The following PSD4 variants were observed in gnomAD, a reference collection of about 807,000 sequenced individuals.
PSD4 encodes PH and SEC7 domain-containing protein 4.
Under a neutral mutation model 112.5 loss-of-function variants are expected in PSD4, and 59 were observed. The observed-to-expected ratio is 0.52, with a 90% CI of 0.43 to 0.65. The LOEUF is 0.65. PSD4 is among the 30% of genes least tolerant of loss of function. PSD4 has a pLI of 0.00. For missense variants in PSD4, 1,267 were observed against 1,352.6 expected (o/e 0.94, Z 0.99); for synonymous variants, 533 against 540.0 (o/e 0.99, Z 0.18).
At position 113,182,534 on chromosome 2, in the gene PSD4, GC is replaced by G; in HGVS notation, c.82del (p.His28ThrfsTer109). 1.2e-6 allele frequency: 2 copies of G among 1,614,186 alleles called. No homozygotes were observed. The highest frequency in any genetic ancestry group is 1.7e-6 in the Non-Finnish European group (2 of 1,180,026). Reference sequence around the variant, plus strand: ...ACCTGTACTTGGGAGACAGCCTGGAGCCCCACCCAGGAGAGTGCCCAAGGGA... The same window carrying G: ...ACCTGTACTTGGGAGACAGCCTGGAGCCCACCCAGGAGAGTGCCCAAGGGA... The part of the protein sequence containing the change: ...LNLYLGDSLE[P>X]HPGECPRETC... On this transcript the variant is annotated frameshift_variant, in exon 2 of 17. Coordinates refer to ENST00000245796, the MANE Select transcript of PSD4 (RefSeq NM_012455.3). LOFTEE classifies it high-confidence loss of function.
Position 113,192,453 on chromosome 2 carries a change from G to A in PSD4, c.1702G>A (p.Glu568Lys), listed in dbSNP as rs1279193375. The change falls in exon 6 of 17, where the codon GAA (glutamate) becomes AAA (lysine). Residue 568 changes from glutamate (E) to lysine (K), a missense_variant. Coordinates refer to ENST00000245796, the MANE Select transcript of PSD4 (RefSeq NM_012455.3). Reference protein sequence around the residue: ...SPMPQAQSPEEGQRPPAGDKL... With the variant: ...SPMPQAQSPEKGQRPPAGDKL... The stretch of plus-strand genomic sequence containing the variant: ...TATGCCCCAAGCACAGTCCCCAGAG[G>A]AAGGCCAGAGACCACCAGCTGGAGA... 1 of 1,614,224 alleles carries A rather than the reference G, an allele frequency of 6.2e-7. No homozygotes were observed. Among genetic ancestry groups the A allele is most frequent in the East Asian group, 2.2e-5 (1 of 44,874 alleles).
At chr2:113,184,226 CCCAGAGCAGCTCTATTA>C (rs1688228076) in intron 2 of PSD4, among the ~76,000 whole-genome samples, 1 of 152,192 alleles carries the variant, frequency 6.6e-6, no homozygotes, top group Non-Finnish European at 1.5e-5. Context: ...AGAGCTATTA[CCCAGAGCAGCTCTATTA>C]CCAGAGCAGC....
At chr2:113,197,247 T>G in intron 12 of PSD4, 1 of 400,040 alleles carries the variant, frequency 2.5e-6, no homozygotes. Context: ...TGTGCCTGGG[T>G]GTTTGCCACT....
Position 113,193,367 on chromosome 2 carries a change from G to A in PSD4, c.2029G>A (p.Val677Ile). The A allele has an allele frequency of 6.2e-7, 1 of 1,606,676 alleles. No homozygotes were observed. The highest frequency in any genetic ancestry group is 2.2e-5 in the East Asian group (1 of 44,842). Residue 677 changes from valine (V) to isoleucine (I), a missense_variant, in exon 8 of 17, where the codon GTA (valine) becomes ATA (isoleucine). Val to Ile is a conservative substitution (Grantham distance 29). Transcript: ENST00000245796. Reference protein sequence around the residue: ...HHCNPGIFPSVDSVHTLTCAI... With the variant: ...HHCNPGIFPSIDSVHTLTCAI... ...TTGCAATCCGGGGATCTTCCCCTCAGTAGGTAGGGAGGGGCTGGCCCTGAC... is the reference window on the plus strand; with the variant it reads ...TTGCAATCCGGGGATCTTCCCCTCAATAGGTAGGGAGGGGCTGGCCCTGAC...
chr2:113,182,487 C>A lies in PSD4; in HGVS notation c.31C>A (p.Pro11Thr). ...GGGTGACTACAGACTCCCTGACCAC[C>A]CCCAGCCCATGGAAATTCTCAACCT... MMGDYRLPDH[P>T]QPMEILNLYL... Residue 11 changes from proline to threonine, a missense_variant, in exon 2 of 17, where the codon CCC becomes ACC. Coordinates refer to ENST00000245796, the MANE Select transcript of PSD4 (RefSeq NM_012455.3). 1 of 1,613,654 alleles carries A rather than the reference C, an allele frequency of 6.2e-7. No individual in the cohort carries two copies. Among genetic ancestry groups the A allele is most frequent in the Non-Finnish European group, 8.5e-7 (1 of 1,179,686 alleles).
rs765133390 is a variant in PSD4 at position 113,197,478 on chromosome 2, G to C, written c.2387-86G>C. On this transcript the variant is annotated intron_variant, in intron 12 of 16. Transcript: ENST00000245796. ...AGACTGGAGGTGGTGTGAGGGACAG[G>C]GGGCATATGCACACTTGCGTGTGTC... is the stretch of plus-strand genomic sequence containing the variant. The C allele has an allele frequency of 7.8e-6, 11 of 1,414,594 alleles. 1 individual carries two copies. The South Asian group carries it at 1.1e-4, about 14-fold the overall frequency. 87.6% of individuals were successfully genotyped at this position (1,414,594 alleles called of 1,614,324 possible).
Position 113,196,145 on chromosome 2 carries a change from A to G in PSD4, c.2226-2A>G, listed in dbSNP as rs1193609633. 1.2e-6 allele frequency: 2 copies of G among 1,606,554 alleles called. No homozygotes were observed. Among genetic ancestry groups the G allele is most frequent in the Non-Finnish European group, 1.7e-6 (2 of 1,173,750 alleles). On this transcript the variant is annotated splice_acceptor_variant, in intron 11 of 16. Transcript: ENST00000245796. LOFTEE classifies it high-confidence loss of function. Reference sequence around the variant, plus strand: ...CTTCCAGCCCGATTCTCTGATGTTCAGGGATGAAGAAGACACAGCCAGACC... The same window carrying G: ...CTTCCAGCCCGATTCTCTGATGTTCGGGGATGAAGAAGACACAGCCAGACC...
intron 7 of PSD4, 58 bp from the exon 8 acceptor site, chr2:113,193,200 G>A: frequency 6.9e-6 from 11 of 1,599,394 alleles, no homozygotes; most frequent in Non-Finnish European, 9.4e-6. Context: ...CCTGAGGCTG[G>A]GATCTGATTG....
intron 16 of PSD4, among the ~76,000 whole-genome samples, chr2:113,200,179 T>G (rs1688735914): frequency 6.6e-6 from 1 of 152,068 alleles, no homozygotes; most frequent in Non-Finnish European, 1.5e-5. Flanking sequence ...TCCCTTAGTC[T>G]CCCCCAACCC....
intron 1 of PSD4, among the ~76,000 whole-genome samples, chr2:113,177,415 G>A (rs1688007593): frequency 6.6e-6 from 1 of 152,098 alleles, no homozygotes; most frequent in African/African-American, 2.4e-5. Flanking sequence ...GTTCTACAAC[G>A]CCGACTCTCA....
Position 113,197,832 on chromosome 2 carries a change from C to G in PSD4, c.2543C>G (p.Thr848Ser), listed in dbSNP as rs776965110. ...EPVGVHHSLA[T>S]PATHYTKKPH... is the part of the protein sequence containing the mutation. ...GTGGGGGTGCACCACTCGCTGGCCACCCCCGCCACGCATTACACCAAGAAG... is the reference window on the plus strand; with the variant it reads ...GTGGGGGTGCACCACTCGCTGGCCAGCCCCGCCACGCATTACACCAAGAAG... The change falls in exon 14 of 17, where the codon ACC becomes AGC. Residue 848 changes from threonine to serine, a missense_variant. Physicochemically the swap from Thr to Ser is moderately conservative, Grantham distance 58. Transcript: ENST00000245796. The G allele has an allele frequency of 2.5e-6, 4 of 1,610,770 alleles. No homozygotes were observed. Among genetic ancestry groups the G allele is most frequent in the Non-Finnish European group, 3.4e-6 (4 of 1,177,934 alleles).
chr2:113,180,232 G>A (rs958117944), intron 1 of PSD4, among the ~76,000 whole-genome samples: 4 of 152,156 alleles, frequency 2.6e-5, no homozygotes, highest in African/African-American at 4.8e-5. Context: ...AAGGCCGCGC[G>A]AATCACCTCC....
At chr2:113,177,134 C>A (rs1251794407) in intron 1 of PSD4, among the ~76,000 whole-genome samples, 4 of 152,222 alleles carry the variant, frequency 2.6e-5, no homozygotes, top group African/African-American at 9.6e-5. Context: ...TGGCTGCTGA[C>A]CTGGTAGGAA....
chr2:113,181,825 T>A (rs1220186341), intron 1 of PSD4, among the ~76,000 whole-genome samples: 1 of 152,128 alleles, frequency 6.6e-6, no homozygotes, highest in African/African-American at 2.4e-5. Context: ...ATAGGAGCCT[T>A]GGAAAGTGGA....
chr2:113,191,667 C>T (rs1688443300), intron 5 of PSD4, among the ~76,000 whole-genome samples: 1 of 152,194 alleles, frequency 6.6e-6, no homozygotes. Flanking sequence ...TGGAATACCC[C>T]ACACTTGATT....
At chr2:113,192,673 T>G in intron 6 of PSD4, 84 bp downstream of exon 6, 1 of 1,410,376 alleles carries the variant, frequency 7.1e-7, no homozygotes, top group Non-Finnish European at 9.8e-7. Context: ...CTGGCCACCC[T>G]CCCCTTCCCG....
intron 6 of PSD4, among the ~76,000 whole-genome samples, 200 bp downstream of exon 6, chr2:113,192,789 G>A (rs749564322): frequency 6.6e-6 from 1 of 152,074 alleles, no homozygotes; most frequent in Non-Finnish European, 1.5e-5. Flanking sequence ...CCACACCCTT[G>A]GTCCTTGGTC....
chr2:113,183,605 C>A, intron 2 of PSD4, 93 bp downstream of exon 2: 1 of 1,235,788 alleles, frequency 8.1e-7, no homozygotes, highest in Non-Finnish European at 1.1e-6. Flanking sequence ...ACATTCTTTT[C>A]TGACGCTAAG....
chr2:113,190,913 A>T (rs1688426222), intron 5 of PSD4, among the ~76,000 whole-genome samples: 1 of 152,272 alleles, frequency 6.6e-6, no homozygotes, highest in South Asian at 2.1e-4. Flanking sequence ...TTACCAAGAT[A>T]AAGCTCCAAG....
Sources: allele counts gnomAD v4.1 joint callset (sites outside exome capture counted in the v4.1 genomes callset), GRCh38; gene constraint gnomAD v4.1.1; transcripts MANE v1.5; gene names NCBI Gene and HGNC (gene_info 2026-07-23, HGNC 2026-07-21).